Variants in CACNB2 observed in about 807,000 individuals in gnomAD.
CACNB2 encodes voltage-dependent L-type calcium channel subunit beta-2.
In CACNB2, 42 loss-of-function variants were observed where a neutral mutation model predicts 73.3. The observed-to-expected ratio is 0.57, with a 90% CI of 0.45 to 0.74. The LOEUF (loss-of-function observed/expected upper bound fraction) is 0.74. Ranked by LOEUF, CACNB2 falls within the 30% of genes least tolerant of loss-of-function variation. The probability of loss-of-function intolerance (pLI) is 0.00; values close to 1 mark genes in which losing one functional copy is unlikely to be tolerated. For missense variants in CACNB2, 940 were observed against 853.0 expected (o/e 1.10, Z -1.27); for synonymous variants, 348 against 310.3 (o/e 1.12, Z -1.28).
At chr10:18,338,607 C>T (rs1429994320) in intron 2 of CACNB2, among the ~76,000 whole-genome samples, 2 of 151,962 alleles carry the variant, frequency 1.3e-5, no homozygotes, top group Non-Finnish European at 2.9e-5. Context: ...TGATATGCAT[C>T]TAGGTTTTTT....
At chr10:18,241,004 C>T (rs1425540980) in intron 2 of CACNB2, among the ~76,000 whole-genome samples, 2 of 152,176 alleles carry the variant, frequency 1.3e-5, no homozygotes, top group East Asian at 3.9e-4. Context: ...CTGTTCTGTT[C>T]ACGGTTATCC....
intron 2 of CACNB2, among the ~76,000 whole-genome samples, chr10:18,200,499 A>AT (rs1415205880): frequency 2.6e-5 from 4 of 151,778 alleles, no homozygotes; most frequent in African/African-American, 4.8e-5. Context: ...TAAATAATAA[A>AT]TTTTTTATAA....
At chr10:18,152,721 A>AAAAAC (rs1564298308) in intron 2 of CACNB2, among the ~76,000 whole-genome samples, 12 of 134,156 alleles carry the variant, frequency 8.9e-5, no homozygotes, top group Admixed American at 7.1e-5. Flanking sequence ...AAAAAAAAAA[A>AAAAAC]AAAAAAAAAA....
At chr10:18,333,008 GCCA>G (rs2040862492) in intron 2 of CACNB2, among the ~76,000 whole-genome samples, 1 of 152,216 alleles carries the variant, frequency 6.6e-6, no homozygotes, top group African/African-American at 2.4e-5. Context: ...GGCCAAAAAA[GCCA>G]CCAAAATACC....
chr10:18,364,950 A>C (rs1160270693), intron 2 of CACNB2, among the ~76,000 whole-genome samples: 1 of 152,306 alleles, frequency 6.6e-6, no homozygotes, highest in East Asian at 1.9e-4. Flanking sequence ...TGCACTTAGG[A>C]TAGCATTTTT....
intron 2 of CACNB2, among the ~76,000 whole-genome samples, chr10:18,302,401 G>A (rs191552329): frequency 4.1e-4 from 62 of 152,298 alleles, no homozygotes; most frequent in Non-Finnish European, 7.4e-4. Flanking sequence ...TTGCATGCAC[G>A]TTTATAGCAG....
intron 2 of CACNB2, among the ~76,000 whole-genome samples, chr10:18,242,249 A>G (rs1247110760): frequency 1.3e-5 from 2 of 152,114 alleles, no homozygotes; most frequent in Admixed American, 6.5e-5. Context: ...TGCAAAAATT[A>G]TTTAACAAAC....
intron 7 of CACNB2, among the ~76,000 whole-genome samples, chr10:18,515,763 C>T (rs2051213101): frequency 1.3e-5 from 2 of 152,200 alleles, no homozygotes; most frequent in South Asian, 4.1e-4. Flanking sequence ...CAGTGTCTAT[C>T]ATTCAGAAGC....
chr10:18,233,808 C>T (rs1452520576), intron 2 of CACNB2, among the ~76,000 whole-genome samples: 1 of 152,168 alleles, frequency 6.6e-6, no homozygotes, highest in African/African-American at 2.4e-5. Flanking sequence ...AAGATCCCCG[C>T]TCCCAAGAGC....
intron 2 of CACNB2, among the ~76,000 whole-genome samples, chr10:18,348,261 C>T (rs1018456224): frequency 2.0e-5 from 3 of 152,136 alleles, no homozygotes; most frequent in Non-Finnish European, 4.4e-5. Context: ...GGTAAAAGAT[C>T]AGTTGAAAAT....
rs146397260 is a variant in CACNB2, at chr10:18,470,885, A to T, written c.334-27470A>T. On this transcript the variant is annotated intron_variant, in intron 3 of 13. Coordinates refer to ENST00000324631, the MANE Select transcript of CACNB2 (RefSeq NM_201596.3). The stretch of plus-strand genomic sequence containing the variant: ...CCCTGGTCACAGAGACTGACATGCA[A>T]GGGGAAAGGGTATGAATGTATGAGC... Among the ~76,000 whole-genome samples the T allele has an allele frequency of 1.4e-3, 219 of 152,322 alleles. 4 individuals carry two copies. The highest frequency in any genetic ancestry group is 0.011 in the Admixed American group (171 of 15,302).
intron 9 of CACNB2, among the ~76,000 whole-genome samples, chr10:18,527,107 G>A (rs1324696998): frequency 6.6e-6 from 1 of 151,726 alleles, no homozygotes; most frequent in Non-Finnish European, 1.5e-5. Context: ...AGGGCCGGGC[G>A]CGGTGGCTCA....
chr10:18,530,050 C>G (rs748164825), intron 10 of CACNB2, among the ~76,000 whole-genome samples: 11 of 152,158 alleles, frequency 7.2e-5, no homozygotes, highest in Admixed American at 1.3e-4. Flanking sequence ...ACCATTAGAT[C>G]TCATGAGACT....
At position 18,530,937 on chromosome 10, in the gene CACNB2, G is replaced by A. The variant is rs570586401; in HGVS notation, c.1055-3139G>A. Reference sequence around the variant, plus strand: ...AAGCCACTTTGATATGTGGCAGTGGGAACAGAGAGGCAGAATTTACTGAGC... The same window carrying A: ...AAGCCACTTTGATATGTGGCAGTGGAAACAGAGAGGCAGAATTTACTGAGC... On this transcript the variant is annotated intron_variant, in intron 10 of 13. Transcript: ENST00000324631. Among the ~76,000 whole-genome samples the A allele has an allele frequency of 1.6e-4, 24 of 152,338 alleles. 2 individuals are homozygous for A. The South Asian group carries it at 4.6e-3, about 29-fold the overall frequency.
chr10:18,265,015 T>C (rs530685146), intron 2 of CACNB2, among the ~76,000 whole-genome samples: 1 of 152,254 alleles, frequency 6.6e-6, no homozygotes, highest in East Asian at 1.9e-4. Context: ...CCCCTACACC[T>C]AGTATTGTCA....
rs1307519346 is a variant in CACNB2 at position 18,413,873 on chromosome 10, G to C, written c.333+11830G>C. On this transcript the variant is annotated intron_variant, in intron 3 of 13. Transcript: ENST00000324631. Reference sequence around the variant, plus strand: ...CCTGTCTTTCCCTACTCTAGCCCTTGTGATGGGCACAGGCAACTGGGGCAC... The same window carrying C: ...CCTGTCTTTCCCTACTCTAGCCCTTCTGATGGGCACAGGCAACTGGGGCAC... Among the ~76,000 whole-genome samples the C allele has an allele frequency of 3.3e-5, 5 of 152,360 alleles. 1 individual carries two copies. Among genetic ancestry groups the C allele is most frequent in the African/African-American group, 1.2e-4 (5 of 41,596 alleles).
chr10:18,408,292 G>T (rs2044410305), intron 3 of CACNB2, among the ~76,000 whole-genome samples: 1 of 129,620 alleles, frequency 7.7e-6, no homozygotes, highest in Non-Finnish European at 1.6e-5. Flanking sequence ...AGGCTGGAGT[G>T]CAGTGGTATG....
At chr10:18,282,339 A>G (rs891165088) in intron 2 of CACNB2, among the ~76,000 whole-genome samples, 1 of 152,194 alleles carries the variant, frequency 6.6e-6, no homozygotes, top group African/African-American at 2.4e-5. Flanking sequence ...ATGCAGAGCA[A>G]CAGAGGTGTC....
intron 2 of CACNB2, among the ~76,000 whole-genome samples, chr10:18,399,044 T>C (rs1231786923): frequency 6.6e-6 from 1 of 152,210 alleles, no homozygotes; most frequent in South Asian, 2.1e-4. Context: ...GTGGGTGTTA[T>C]GCGGCCCTCT....
Sources: allele counts gnomAD v4.1 joint callset (sites outside exome capture counted in the v4.1 genomes callset), GRCh38; gene constraint gnomAD v4.1.1; transcripts MANE v1.5; gene names NCBI Gene and HGNC (gene_info 2026-07-23, HGNC 2026-07-21).